DIAPH3: variants seen among roughly 807,000 people sequenced by gnomAD.
The protein encoded by DIAPH3 is diaphanous related formin 3, also known as protein diaphanous homolog 3.
Under a neutral mutation model 144.3 loss-of-function variants are expected in DIAPH3, and 117 were observed. The ratio of observed to expected loss-of-function variants is 0.81; its 90% confidence interval spans 0.70 to 0.95. The LOEUF is 0.95. Among genes scored for constraint, DIAPH3 ranks in the 40% least tolerant of loss-of-function variants. The pLI is 0.00. For synonymous variants in DIAPH3, 519 were observed against 488.9 expected (o/e 1.06, Z -0.81); for missense variants, 1,421 against 1,412.7 (o/e 1.01, Z -0.09).
At chr13:59,856,677 A>G (rs1405789245) in intron 22 of DIAPH3, among the ~76,000 whole-genome samples, 1 of 152,180 alleles carries the variant, frequency 6.6e-6, no homozygotes, top group Non-Finnish European at 1.5e-5. Flanking sequence ...CCCTATCTCC[A>G]AACATAGTCA....
At chr13:59,902,664 T>G (rs969834028) in intron 20 of DIAPH3, among the ~76,000 whole-genome samples, 2 of 152,054 alleles carry the variant, frequency 1.3e-5, no homozygotes, top group Non-Finnish European at 2.9e-5. Flanking sequence ...TAATCCTAGC[T>G]ACTCGGGTGG....
At chr13:60,120,952 A>G (rs1270907926) in intron 2 of DIAPH3, among the ~76,000 whole-genome samples, 4 of 152,256 alleles carry the variant, frequency 2.6e-5, no homozygotes, top group African/African-American at 9.6e-5. Flanking sequence ...AGCAATAGAT[A>G]ATTACAGAGC....
intron 25 of DIAPH3, among the ~76,000 whole-genome samples, chr13:59,800,539 C>G (rs758200106): frequency 2.0e-5 from 3 of 152,148 alleles, no homozygotes; most frequent in Non-Finnish European, 4.4e-5. Flanking sequence ...CCCACAATGC[C>G]TCCAAATATA....
intron 14 of DIAPH3, among the ~76,000 whole-genome samples, chr13:59,977,137 T>C (rs571667807): frequency 9.2e-5 from 14 of 151,780 alleles, no homozygotes; most frequent in Non-Finnish European, 1.9e-4. Context: ...AAACAGAATA[T>C]GGTCAGTGTA....
intron 4 of DIAPH3, among the ~76,000 whole-genome samples, chr13:60,052,959 T>TAAAAAAAAAAAA (rs559991017): frequency 0.024 from 984 of 40,500 alleles, 100 homozygotes; most frequent in African/African-American, 0.035. Flanking sequence ...GACTCCCTCT[T>TAAAAAAAAAAAA]AAAAAAAAAA....
chr13:60,016,486 C>A (rs536459578), intron 5 of DIAPH3, among the ~76,000 whole-genome samples: 1 of 152,232 alleles, frequency 6.6e-6, no homozygotes, highest in African/African-American at 2.4e-5. Flanking sequence ...AGAGCCTCCC[C>A]CACCCACGCA....
intron 5 of DIAPH3, among the ~76,000 whole-genome samples, chr13:60,017,840 C>A (rs2053758441): frequency 6.6e-6 from 1 of 152,118 alleles, no homozygotes; most frequent in Admixed American, 6.5e-5. Context: ...AAAAGTTAAA[C>A]AGAGGTTGTT....
At chr13:59,963,772 G>A (rs576215979) in intron 17 of DIAPH3, among the ~76,000 whole-genome samples, 1 of 152,230 alleles carries the variant, frequency 6.6e-6, no homozygotes, top group East Asian at 1.9e-4. Flanking sequence ...TGCCCAGGCT[G>A]GTCATGAACT....
intron 20 of DIAPH3, among the ~76,000 whole-genome samples, chr13:59,885,272 A>C (rs2045359597): frequency 6.6e-6 from 1 of 151,980 alleles, no homozygotes; most frequent in Non-Finnish European, 1.5e-5. Flanking sequence ...GCTGGCATAA[A>C]CCCCAGAATC....
chr13:59,807,486 G>C (rs1352986239), intron 25 of DIAPH3, among the ~76,000 whole-genome samples: 1 of 151,962 alleles, frequency 6.6e-6, no homozygotes, highest in East Asian at 1.9e-4. Flanking sequence ...GTATGATATA[G>C]ACATAGCACA....
intron 8 of DIAPH3, 139 bp downstream of exon 8, chr13:60,010,394 C>A: frequency 1.2e-6 from 1 of 857,958 alleles, no homozygotes; most frequent in Non-Finnish European, 1.7e-6. Flanking sequence ...CAATAAGAAA[C>A]TATATTAGCT....
intron 4 of DIAPH3, among the ~76,000 whole-genome samples, chr13:60,080,368 G>A (rs1215618552): frequency 1.3e-5 from 2 of 151,780 alleles, no homozygotes; most frequent in Non-Finnish European, 2.9e-5. Context: ...ATTACTTAAT[G>A]TGCACAGATC....
At chr13:60,091,560 T>G (rs1339758581) in intron 4 of DIAPH3, among the ~76,000 whole-genome samples, 3 of 151,862 alleles carry the variant, frequency 2.0e-5, no homozygotes, top group African/African-American at 7.3e-5. Flanking sequence ...GGTGCTGGAA[T>G]TACATGCGTG....
intron 20 of DIAPH3, among the ~76,000 whole-genome samples, chr13:59,881,617 T>C (rs2045054399): frequency 6.6e-6 from 1 of 152,072 alleles, no homozygotes; most frequent in Non-Finnish European, 1.5e-5. Flanking sequence ...CAGCATAGAG[T>C]AATTAATTCT....
chr13:59,711,350 T>A (rs1325809090), intron 27 of DIAPH3, among the ~76,000 whole-genome samples: 1 of 152,132 alleles, frequency 6.6e-6, no homozygotes, highest in Non-Finnish European at 1.5e-5. Context: ...TTTTTCCCTA[T>A]AATCTACTAC....
intron 20 of DIAPH3, among the ~76,000 whole-genome samples, chr13:59,896,460 A>AATG (rs970824446): frequency 6.6e-6 from 1 of 152,142 alleles, no homozygotes; most frequent in Non-Finnish European, 1.5e-5. Context: ...AGACTAAAGG[A>AATG]ATGCAGAGTA....
At position 59,666,647 on chromosome 13, in the gene DIAPH3, A is replaced by C; in HGVS notation, c.3519T>G (p.Ser1173=). The change falls in exon 28 of 28, where the codon TCT becomes TCG. Residue 1173 remains serine, a synonymous_variant. Transcript: ENST00000400324. ...CGGGAACTGATTCATTTTTAGAAAA[A>C]GAGCCAAGAAGTTCCGTTTCCTTTT... ...NRKKETELLG[S]FSKNESVPEV... is the part of the protein sequence containing the mutation. The C allele has an allele frequency of 6.2e-7, 1 of 1,614,156 alleles. No homozygotes were observed. The highest frequency in any genetic ancestry group is 1.1e-5 in the South Asian group (1 of 91,080).
At chr13:60,091,425 G>A (rs1162253437) in intron 4 of DIAPH3, among the ~76,000 whole-genome samples, 1 of 152,104 alleles carries the variant, frequency 6.6e-6, no homozygotes, top group African/African-American at 2.4e-5. Flanking sequence ...AGCCTCCTGA[G>A]TAGCTGGGAC....
intron 27 of DIAPH3, among the ~76,000 whole-genome samples, chr13:59,707,720 C>T (rs2034507076): frequency 1.3e-5 from 2 of 152,120 alleles, no homozygotes; most frequent in African/African-American, 4.8e-5. Context: ...GCCAGTGAAA[C>T]AAGAACTTCT....
Sources: gnomAD v4.1 joint callset for allele counts (sites outside exome capture counted in the v4.1 genomes callset) on GRCh38, gnomAD v4.1.1 for gene constraint, MANE v1.5 for transcripts, NCBI Gene and HGNC (gene_info 2026-07-23, HGNC 2026-07-21) for gene names.